The following PRDM16 variants were observed in gnomAD, a reference collection of about 807,000 sequenced individuals.
PRDM16 encodes histone-lysine N-methyltransferase PRDM16.
In PRDM16, 23 loss-of-function variants were observed where a neutral mutation model predicts 110.6. The observed-to-expected ratio is 0.21, with a 90% CI of 0.15 to 0.29. The LOEUF is 0.29. Among genes scored for constraint, PRDM16 ranks in the 10% least tolerant of loss-of-function variants. The pLI, the probability that PRDM16 is intolerant of heterozygous loss-of-function variation, is 1.00. For missense variants in PRDM16, 1,615 were observed against 1,794.3 expected, an observed-to-expected ratio of 0.90 and a Z score of 1.81; for synonymous variants, 799 against 781.8, an observed-to-expected ratio of 1.02 and a Z score of -0.37.
chr1:3,404,218 A>G (rs367977469), intron 6 of PRDM16, among the ~76,000 whole-genome samples: 444 of 152,254 alleles, frequency 2.9e-3, no homozygotes, highest in African/African-American at 9.7e-3. Flanking sequence ...TCCTTCATCC[A>G]AGTGCAGCGG....
intron 1 of PRDM16, among the ~76,000 whole-genome samples, chr1:3,146,451 T>A (rs899337756): frequency 6.6e-6 from 1 of 151,838 alleles, no homozygotes; most frequent in African/African-American, 2.4e-5. Flanking sequence ...TGTGCACATG[T>A]GTTCAGTGTG....
In PRDM16 at chr1:3,411,943, C is replaced by T. The variant is rs1186041331; in HGVS notation, c.1746C>T (p.Arg582=). 1.9e-6 allele frequency: 3 copies of T among 1,613,636 alleles called. No homozygotes were observed. Among genetic ancestry groups the T allele is most frequent in the Non-Finnish European group, 2.5e-6 (3 of 1,179,978 alleles). Residue 582 remains arginine (R), a synonymous_variant, in exon 9 of 17, where the codon CGC becomes CGT. Coordinates refer to ENST00000270722, the MANE Select transcript of PRDM16 (RefSeq NM_022114.4). Reference sequence around the variant, plus strand: ...GGCCCGAGGAGAAGTTCGAGAGCCGCCTGGAGGACTCCTGTGTGGAGAAGC... The same window carrying T: ...GGCCCGAGGAGAAGTTCGAGAGCCGTCTGGAGGACTCCTGTGTGGAGAAGC... ...AAGPEEKFES[R]LEDSCVEKLK...
At chr1:3,304,345 C>A (rs925595300) in intron 3 of PRDM16, among the ~76,000 whole-genome samples, 2 of 152,218 alleles carry the variant, frequency 1.3e-5, no homozygotes, top group African/African-American at 4.8e-5. Context: ...AACGCTGCCT[C>A]TGAGAGAGTG....
chr1:3,427,127 G>A (rs1009472255), intron 14 of PRDM16, among the ~76,000 whole-genome samples: 1 of 152,264 alleles, frequency 6.6e-6, no homozygotes, highest in Non-Finnish European at 1.5e-5. Context: ...CACAGCAGCA[G>A]AACGATGGTG....
At chr1:3,166,610 G>A (rs546269772) in intron 1 of PRDM16, among the ~76,000 whole-genome samples, 2 of 152,276 alleles carry the variant, frequency 1.3e-5, no homozygotes, top group South Asian at 2.1e-4. Context: ...GCCAGTAACC[G>A]CAGCCTCTTC....
intron 2 of PRDM16, among the ~76,000 whole-genome samples, chr1:3,241,948 G>A (rs1243764470): frequency 6.6e-6 from 1 of 152,238 alleles, no homozygotes; most frequent in African/African-American, 2.4e-5. Flanking sequence ...CCGAATGTGA[G>A]GTTGTGGTGT....
At chr1:3,159,880 A>G (rs1364854908) in intron 1 of PRDM16, among the ~76,000 whole-genome samples, 1 of 152,142 alleles carries the variant, frequency 6.6e-6, no homozygotes, top group Non-Finnish European at 1.5e-5. Flanking sequence ...AAAATACAGG[A>G]CACCCAGTAA....
intron 3 of PRDM16, among the ~76,000 whole-genome samples, chr1:3,291,305 G>T (rs185296318): frequency 1.4e-4 from 21 of 152,298 alleles, no homozygotes; most frequent in African/African-American, 4.6e-4. Flanking sequence ...ACACACCTGC[G>T]CTCACAGTGG....
At chr1:3,311,546 C>T (rs952131535) in intron 3 of PRDM16, among the ~76,000 whole-genome samples, 5 of 152,194 alleles carry the variant, frequency 3.3e-5, no homozygotes, top group Admixed American at 6.5e-5. Context: ...CCCACAGGCC[C>T]AAAACCAGCC....
At chr1:3,108,703 G>A (rs1258613534) in intron 1 of PRDM16, among the ~76,000 whole-genome samples, 2 of 152,178 alleles carry the variant, frequency 1.3e-5, no homozygotes, top group African/African-American at 4.8e-5. Flanking sequence ...TGTCAAGAAG[G>A]CCGAGTGGCC....
intron 3 of PRDM16, among the ~76,000 whole-genome samples, chr1:3,279,300 C>T (rs553891408): frequency 1.2e-4 from 19 of 152,338 alleles, no homozygotes; most frequent in South Asian, 1.0e-3. Flanking sequence ...GTGGTCAGGC[C>T]GCCTCTGCAG....
At chr1:3,229,995 C>T (rs1348314154) in intron 2 of PRDM16, among the ~76,000 whole-genome samples, 5 of 152,238 alleles carry the variant, frequency 3.3e-5, no homozygotes, top group Admixed American at 6.5e-5. Context: ...CTGGCGCCCG[C>T]GTTTAGTTTG....
At chr1:3,105,624 C>G (rs1319501429) in intron 1 of PRDM16, among the ~76,000 whole-genome samples, 1 of 152,220 alleles carries the variant, frequency 6.6e-6, no homozygotes, top group Non-Finnish European at 1.5e-5. Context: ...ATTAGTATTG[C>G]GGGATGAATA....
At chr1:3,319,642 T>TA (rs1641695288) in intron 3 of PRDM16, among the ~76,000 whole-genome samples, 1 of 152,126 alleles carries the variant, frequency 6.6e-6, no homozygotes, top group Non-Finnish European at 1.5e-5. Context: ...CTCTCTCCTC[T>TA]AATCTACCCC....
At chr1:3,182,474 T>C (rs1644222969) in intron 1 of PRDM16, among the ~76,000 whole-genome samples, 1 of 152,140 alleles carries the variant, frequency 6.6e-6, no homozygotes, top group South Asian at 2.1e-4. Flanking sequence ...TGGCCATAGC[T>C]TTGCTTTCTA....
rs189200471 is a variant in PRDM16, at chr1:3,355,981, A to G, written c.439-29171A>G. Among the ~76,000 whole-genome samples the G allele has an allele frequency of 5.1e-3, 768 of 151,990 alleles. 5 individuals carry two copies. Among genetic ancestry groups the G allele is most frequent in the African/African-American group, 0.017 (710 of 41,442 alleles). On this transcript the variant is annotated intron_variant, in intron 3 of 16. Coordinates refer to ENST00000270722, the MANE Select transcript of PRDM16 (RefSeq NM_022114.4). ...CGCCTTTCCCCACTCCTCTGGGCACATCCTGATGAGTGGCCCGTTGGTGAC... is the reference window on the plus strand; with the variant it reads ...CGCCTTTCCCCACTCCTCTGGGCACGTCCTGATGAGTGGCCCGTTGGTGAC...
At position 3,402,975 on chromosome 1, in the gene PRDM16, G is replaced by C. The variant is rs1391060762; in HGVS notation, c.861G>C (p.Glu287Asp). Residue 287 changes from glutamate to aspartate, a missense_variant, in exon 6 of 17, where the codon GAG becomes GAC. This residue lies in a region of PRDM16 where 416 missense variants were observed against 467.1 expected (regional missense o/e 0.89). Transcript: ENST00000270722. The stretch of plus-strand genomic sequence containing the variant: ...AAGCCCACGAGTGCAAGGACTGCGA[G>C]CGGATGTTCCCCAACAAGTACAGGT... ...SGQAHECKDC[E>D]RMFPNKYSLE... is the part of the protein sequence containing the mutation. 1.9e-6 allele frequency: 3 copies of C among 1,611,870 alleles called. No individual in the cohort carries two copies. In the South Asian group the frequency reaches 3.3e-5, roughly 18 times the overall value.
intron 3 of PRDM16, among the ~76,000 whole-genome samples, chr1:3,300,925 T>G (rs1406106664): frequency 6.6e-6 from 1 of 152,176 alleles, no homozygotes; most frequent in African/African-American, 2.4e-5. Flanking sequence ...TGTTTGCTTT[T>G]GGCACTTATC....
chr1:3,277,731 GCGCACACACGCACA>G (rs1420840503), intron 3 of PRDM16, among the ~76,000 whole-genome samples: 1 of 149,892 alleles, frequency 6.7e-6, no homozygotes, highest in Non-Finnish European at 1.5e-5. Context: ...ACACACACGC[GCGCACACACGCACA>G]CGCACACACA....
Sources: gnomAD v4.1 joint callset for allele counts (sites outside exome capture counted in the v4.1 genomes callset) on GRCh38, gnomAD v4.1.1 for gene constraint, gnomAD v4.1.1 regional missense constraint, MANE v1.5 for transcripts, NCBI Gene and HGNC (gene_info 2026-07-23, HGNC 2026-07-21) for gene names.